The following MGAM2 variants were observed in gnomAD, a reference collection of about 807,000 sequenced individuals.
MGAM2 encodes maltase-glucoamylase 2 (putative).
In MGAM2, 98 loss-of-function variants were observed where a neutral mutation model predicts 96.1. The ratio of observed to expected loss-of-function variants is 1.02; its 90% CI spans 0.87 to 1.21. MGAM2 has a LOEUF of 1.21. MGAM2 is among the 50% of genes most tolerant of loss of function. The probability of loss-of-function intolerance (pLI) is 0.00; values close to 1 mark genes in which losing one functional copy is unlikely to be tolerated. For synonymous variants in MGAM2, 749 were observed against 414.8 expected (o/e 1.81, Z -9.79); for missense variants, 2,055 against 1,182.4 (o/e 1.74, Z -10.82).
At chr7:142,187,967 G>A (rs1796751516) in intron 36 of MGAM2, 133 bp downstream of exon 36, 1 of 600,046 alleles carries the variant, frequency 1.7e-6, no homozygotes, top group Non-Finnish European at 3.0e-6. Context: ...TCCCAAGTAA[G>A]ATAACCTTGA....
At chr7:142,133,760 C>T (rs1794975621) in intron 6 of MGAM2, among the ~76,000 whole-genome samples, 1 of 152,136 alleles carries the variant, frequency 6.6e-6, no homozygotes, top group Admixed American at 6.5e-5. Context: ...CTCTCTTTCC[C>T]CAATTGTCCA....
At chr7:142,171,652 A>ATATC (rs1796195452) in intron 28 of MGAM2, among the ~76,000 whole-genome samples, 3 of 75,646 alleles carry the variant, frequency 4.0e-5, no homozygotes, top group Admixed American at 1.4e-4. Context: ...ATATATATAT[A>ATATC]TATCCACAAC....
chr7:142,156,196 T>C (rs1484015728), intron 17 of MGAM2, among the ~76,000 whole-genome samples: 1 of 152,074 alleles, frequency 6.6e-6, no homozygotes, highest in Non-Finnish European at 1.5e-5. Context: ...GACATTGTTT[T>C]AAAAATACTT....
chr7:142,192,463 A>G (rs770889068), intron 37 of MGAM2, among the ~76,000 whole-genome samples: 1 of 152,296 alleles, frequency 6.6e-6, no homozygotes, highest in East Asian at 1.9e-4. Flanking sequence ...CAAGGACCTC[A>G]TTGTCTAATT....
At position 142,221,248 on chromosome 7, in the gene MGAM2, C is replaced by T. The variant is rs1394227311; in HGVS notation, c.6737C>T (p.Ser2246Phe). The T allele has an allele frequency of 2.9e-6, 2 of 699,144 alleles. No homozygotes were observed. Among genetic ancestry groups the T allele is most frequent in the Admixed American group, 2.0e-5 (1 of 49,766 alleles). The allele number at this position is 699,144 out of a possible 1,614,324, so 43.3% of individuals were successfully genotyped here. The change falls in exon 48 of 48, where the codon TCT (serine) becomes TTT (phenylalanine). Residue 2246 changes from serine to phenylalanine, a missense_variant. Ser to Phe is a radical substitution (Grantham distance 155). Coordinates refer to ENST00000477922, the MANE Select transcript of MGAM2 (RefSeq NM_001293626.2). Reference protein sequence around the residue: ...SMTNFLLATMSAGNITSNSIS... With the variant: ...SMTNFLLATMFAGNITSNSIS... ...ACAAATTTTCTTTTAGCTACAATGT[C>T]TGCTGGTAATATAACTAGTAATAGT...
Position 142,173,337 on chromosome 7 carries a change from G to T in MGAM2, c.3670G>T (p.Ala1224Ser), listed in dbSNP as rs775104257. The T allele has an allele frequency of 7.1e-6, 5 of 702,394 alleles. No homozygotes were observed. The highest frequency in any genetic ancestry group is 1.3e-5 in the Non-Finnish European group (5 of 384,560). The allele number at this position is 702,394 out of a possible 1,614,324, so 43.5% of individuals were successfully genotyped here. A position where few individuals can be genotyped will look rare whatever the true frequency, so the allele number is the denominator to read the frequency against. ...EISSLYDAMV[A>S]AQIPYDVQHV... ...CTCCAGTTTGTATGATGCAATGGTG[G>T]CAGCCCAGATTCCCTATGTATGAAA... is the stretch of plus-strand genomic sequence containing the variant. Residue 1224 changes from alanine (A) to serine (S), a missense_variant, in exon 31 of 48, where the codon GCA (alanine) becomes TCA (serine). Ala to Ser is a moderately conservative substitution (Grantham distance 99). Coordinates refer to ENST00000477922, the MANE Select transcript of MGAM2 (RefSeq NM_001293626.2).
At chr7:142,130,884 A>C (rs1443871466) in intron 3 of MGAM2, 64 bp from the exon 4 acceptor site, 1 of 672,982 alleles carries the variant, frequency 1.5e-6, no homozygotes, top group East Asian at 2.7e-5. Flanking sequence ...GTTATAAATA[A>C]ATAGACAGAT....
At chr7:142,208,685 G>T in intron 46 of MGAM2, 63 bp downstream of exon 46, 1 of 682,042 alleles carries the variant, frequency 1.5e-6, no homozygotes, top group South Asian at 1.6e-5. Context: ...AAACATTACA[G>T]TTAACTGCGT....
At position 142,157,971 on chromosome 7, in the gene MGAM2, T is replaced by C. The variant is rs1475656817; in HGVS notation, c.1958T>C (p.Leu653Pro). 7 of 702,922 alleles carry C rather than the reference T, an allele frequency of 1.0e-5. No homozygotes were observed. 43.5% of individuals were successfully genotyped at this position (702,922 alleles called of 1,614,324 possible). A position where few individuals can be genotyped will look rare whatever the true frequency, so the allele number is the denominator to read the frequency against. Residue 653 changes from leucine to proline, a missense_variant, in exon 18 of 48, where the codon CTG (leucine) becomes CCG (proline). By Grantham distance (98) the Leu-to-Pro change is moderately conservative. Coordinates refer to ENST00000477922, the MANE Select transcript of MGAM2 (RefSeq NM_001293626.2). ...CCCGCTGCCTTTGGTGTTGATTCCCTGCTGCTGAAATCCTCCAGACATTAT... is the reference window on the plus strand; with the variant it reads ...CCCGCTGCCTTTGGTGTTGATTCCCCGCTGCTGAAATCCTCCAGACATTAT... ...QDPAAFGVDSLLLKSSRHYLN... is the reference protein window; with the variant it reads ...QDPAAFGVDSPLLKSSRHYLN...
At chr7:142,154,894 A>G (rs955339600) in intron 17 of MGAM2, 49 bp downstream of exon 17, 22 of 700,352 alleles carry the variant, frequency 3.1e-5, no homozygotes, top group Non-Finnish European at 5.5e-5. Flanking sequence ...TAGCTAATCT[A>G]CTGGCTCTTA....
In MGAM2 at chr7:142,148,350, TCAC is replaced by T. The variant is rs1012768401; in HGVS notation, c.1634+787_1634+789del. ...ACCATCATAACCGCTACCACTACCA[TCAC>T]CACCACCACTACCATGACCACCACC... is the stretch of plus-strand genomic sequence containing the variant. On this transcript the variant is annotated intron_variant, in intron 15 of 47. Coordinates refer to ENST00000477922, the MANE Select transcript of MGAM2 (RefSeq NM_001293626.2). This position sits in a 1 kb window ranked among gnomAD's most constrained non-coding sequence, Gnocchi z 4.2. 2.7e-5 allele frequency among the ~76,000 whole-genome samples: 4 copies of T among 150,268 alleles called. No homozygotes were observed. Among genetic ancestry groups the T allele is most frequent in the Admixed American group, 2.6e-4 (4 of 15,102 alleles).
At chr7:142,159,200 G>C (rs2129085942) in intron 19 of MGAM2, 87 bp from the exon 20 acceptor site, 1 of 679,512 alleles carries the variant, frequency 1.5e-6, no homozygotes, top group East Asian at 2.7e-5. Context: ...GGATTGTTCA[G>C]ATAGGCACAT....
In MGAM2 at chr7:142,131,988, G is replaced by A. The variant is rs780326941; in HGVS notation, c.478G>A (p.Asp160Asn). Reference sequence around the variant, plus strand: ...TTCCCATGAAAATATTAACCTGGTTGATGGGATTGCTGATGCCTCCAATTT... The same window carrying A: ...TTCCCATGAAAATATTAACCTGGTTAATGGGATTGCTGATGCCTCCAATTT... ...EVSHENINLV[D>N]GIADASNLSY... The change falls in exon 6 of 48, where the codon GAT (aspartate) becomes AAT (asparagine). Residue 160 changes from aspartate (D) to asparagine (N), a missense_variant. Transcript: ENST00000477922. 1.4e-6 allele frequency: 1 copy of A among 703,010 alleles called. No individual in the cohort carries two copies. Among genetic ancestry groups the A allele is most frequent in the South Asian group, 1.5e-5 (1 of 67,590 alleles). 43.5% of individuals were successfully genotyped at this position (703,010 alleles called of 1,614,324 possible).
chr7:142,171,975 G>T, intron 28 of MGAM2, 123 bp from the exon 29 acceptor site: 1 of 415,972 alleles, frequency 2.4e-6, no homozygotes, highest in Non-Finnish European at 4.4e-6. Flanking sequence ...GTCAATGAAG[G>T]CCCAACAAAG....
chr7:142,204,966 A>G (rs1271030645), intron 45 of MGAM2, among the ~76,000 whole-genome samples: 1 of 152,134 alleles, frequency 6.6e-6, no homozygotes, highest in Non-Finnish European at 1.5e-5. Context: ...GTATTTATTA[A>G]ATGCATTTTA....
At chr7:142,159,828 A>G (rs1245947772) in intron 20 of MGAM2, among the ~76,000 whole-genome samples, 1 of 152,204 alleles carries the variant, frequency 6.6e-6, no homozygotes, top group Admixed American at 6.5e-5. Context: ...AGGTTTATGG[A>G]AATTCATTAT....
intron 6 of MGAM2, among the ~76,000 whole-genome samples, chr7:142,132,605 T>C (rs1173365772): frequency 7.7e-6 from 1 of 129,240 alleles, no homozygotes; most frequent in Non-Finnish European, 1.5e-5. Flanking sequence ...TTTATATATT[T>C]AATACATAAT....
At chr7:142,156,439 G>T (rs1488424441) in intron 17 of MGAM2, among the ~76,000 whole-genome samples, 1 of 152,110 alleles carries the variant, frequency 6.6e-6, no homozygotes, top group Admixed American at 6.5e-5. Context: ...AAGCAATAAA[G>T]TTGGTTTAAT....
At position 142,186,982 on chromosome 7, in the gene MGAM2, G is replaced by A. The variant is rs571445954; in HGVS notation, c.4123-768G>A. 6.6e-5 allele frequency among the ~76,000 whole-genome samples: 10 copies of A among 152,036 alleles called. No homozygotes were observed. In the East Asian group the frequency reaches 1.9e-3, roughly 29 times the overall value. On this transcript the variant is annotated intron_variant, in intron 35 of 47. Coordinates refer to ENST00000477922, the MANE Select transcript of MGAM2 (RefSeq NM_001293626.2). ...TATTTTTTTTTTTTTTCCAATGGAG[G>A]GAAAGCTGTAGCTGGGTAATTCAAA...
Sources: allele counts gnomAD v4.1 joint callset (sites outside exome capture counted in the v4.1 genomes callset), GRCh38; gene constraint gnomAD v4.1.1; non-coding constraint Gnocchi (gnomAD v3.1); transcripts MANE v1.5; gene names NCBI Gene and HGNC (gene_info 2026-07-23, HGNC 2026-07-21).